Variants in DGKB observed in about 807,000 individuals in gnomAD.
The protein encoded by DGKB is diacylglycerol kinase beta.
In DGKB, 67 loss-of-function variants were observed where a neutral mutation model predicts 114.3. That is an observed-to-expected ratio of 0.59 (90% confidence interval 0.48 to 0.72). The LOEUF is 0.72. DGKB is among the 30% of genes least tolerant of loss of function. DGKB has a pLI of 0.00. For synonymous variants in DGKB, 398 were observed against 323.1 expected (o/e 1.23, Z -2.49); for missense variants, 907 against 975.2 (o/e 0.93, Z 0.93).
At chr7:14,905,411 T>A (rs939603688), upstream of DGKB, among the ~76,000 whole-genome samples, 1 of 152,138 alleles carries the variant, frequency 6.6e-6, no homozygotes, top group Non-Finnish European at 1.5e-5. Context: ...TTCCATTTTG[T>A]GGTAAAACTT....
chr7:14,532,553 C>T (rs1173189084), intron 20 of DGKB, among the ~76,000 whole-genome samples: 1 of 151,036 alleles, frequency 6.6e-6, no homozygotes, highest in Non-Finnish European at 1.5e-5. Flanking sequence ...AGTTATGTTT[C>T]ATATTGATAA....
chr7:14,312,851 T>G (rs1171308804), intron 23 of DGKB, among the ~76,000 whole-genome samples: 3 of 152,184 alleles, frequency 2.0e-5, no homozygotes, highest in African/African-American at 7.2e-5. Context: ...AATTAGGAAT[T>G]TAGAAACTTT....
intron 1 of DGKB, among the ~76,000 whole-genome samples, chr7:14,953,855 G>T (rs541241926): frequency 6.6e-6 from 1 of 152,218 alleles, no homozygotes; most frequent in South Asian, 2.1e-4. Flanking sequence ...CAAAGGCTAA[G>T]AAGTGTTTAT....
At chr7:14,686,276 A>C (rs1364561159) in intron 9 of DGKB, among the ~76,000 whole-genome samples, 1 of 152,168 alleles carries the variant, frequency 6.6e-6, no homozygotes, top group Non-Finnish European at 1.5e-5. Flanking sequence ...ATAAAATGAA[A>C]TAATATGATG....
At chr7:14,567,001 T>C (rs1390589722) in intron 20 of DGKB, among the ~76,000 whole-genome samples, 1 of 145,246 alleles carries the variant, frequency 6.9e-6, no homozygotes, top group Non-Finnish European at 1.5e-5. Flanking sequence ...TGTGCATTGG[T>C]TTTTTGCTTT....
chr7:14,879,149 C>T (rs1046695850), intron 1 of DGKB, among the ~76,000 whole-genome samples: 1 of 151,842 alleles, frequency 6.6e-6, no homozygotes, highest in Non-Finnish European at 1.5e-5. Context: ...CAATGATTCA[C>T]AGATTAAGGT....
intron 20 of DGKB, among the ~76,000 whole-genome samples, chr7:14,546,401 G>A (rs111467814): frequency 2.0e-5 from 3 of 151,874 alleles, no homozygotes; most frequent in Non-Finnish European, 4.4e-5. Flanking sequence ...CTCTTCTTTC[G>A]CGTGACTGTA....
At chr7:14,527,462 A>G (rs908232615) in intron 20 of DGKB, among the ~76,000 whole-genome samples, 4 of 152,110 alleles carry the variant, frequency 2.6e-5, no homozygotes, top group African/African-American at 4.8e-5. Context: ...AGAAAAATAG[A>G]ATAAACATCC....
intron 21 of DGKB, among the ~76,000 whole-genome samples, chr7:14,433,049 C>A (rs1254151040): frequency 1.3e-5 from 2 of 152,126 alleles, no homozygotes; most frequent in East Asian, 3.9e-4. Flanking sequence ...CTAAAGTATT[C>A]ATTCTTCCCA....
At chr7:14,937,580 A>G (rs1785341569) in intron 1 of DGKB, among the ~76,000 whole-genome samples, 2 of 152,310 alleles carry the variant, frequency 1.3e-5, no homozygotes, top group Admixed American at 6.5e-5. Flanking sequence ...TAATCTTAGC[A>G]TCTGAAACAC....
chr7:14,914,819 A>G (rs1198148930), intron 1 of DGKB, among the ~76,000 whole-genome samples: 1 of 145,798 alleles, frequency 6.9e-6, no homozygotes, highest in Non-Finnish European at 1.5e-5. Flanking sequence ...CTAACAAAGA[A>G]TCAAAAGGAA....
intron 21 of DGKB, among the ~76,000 whole-genome samples, chr7:14,405,807 A>G (rs897400301): frequency 1.3e-5 from 2 of 152,066 alleles, no homozygotes; most frequent in East Asian, 3.9e-4. Context: ...GGAGCTCTCC[A>G]TGCAAAAATA....
At chr7:14,612,715 T>C (rs1204378305) in intron 16 of DGKB, among the ~76,000 whole-genome samples, 1 of 152,044 alleles carries the variant, frequency 6.6e-6, no homozygotes, top group African/African-American at 2.4e-5. Flanking sequence ...TGCATTTTTG[T>C]TTATGACTGT....
At chr7:14,606,591 CT>C (rs201031316) in intron 17 of DGKB, among the ~76,000 whole-genome samples, 12 of 146,046 alleles carry the variant, frequency 8.2e-5, no homozygotes, top group African/African-American at 2.4e-4. Context: ...AATCAACTGC[CT>C]TTTTTTTAAA....
intron 8 of DGKB, among the ~76,000 whole-genome samples, chr7:14,697,313 G>A (rs6461120): frequency 0.57 from 86,936 of 151,766 alleles, 25,494 homozygotes; most frequent in East Asian, 0.87. Flanking sequence ...CTGCAAAAGG[G>A]AAAAAAAATA....
intron 23 of DGKB, among the ~76,000 whole-genome samples, chr7:14,289,744 CAAAAAAA>C (rs3067647): frequency 1.6e-5 from 2 of 126,810 alleles, no homozygotes; most frequent in African/African-American, 2.9e-5. Context: ...AGACATGGAC[CAAAAAAA>C]AAAAAAAAAA....
At chr7:14,765,592 C>T (rs1836330136) in intron 2 of DGKB, among the ~76,000 whole-genome samples, 1 of 151,872 alleles carries the variant, frequency 6.6e-6, no homozygotes. Context: ...CAATGCCTTG[C>T]ACAAAATATT....
chr7:14,698,741 T>C (rs1333129592), intron 7 of DGKB, among the ~76,000 whole-genome samples: 1 of 152,162 alleles, frequency 6.6e-6, no homozygotes, highest in Non-Finnish European at 1.5e-5. Context: ...ATTATTCTGC[T>C]CAATTATCAA....
upstream of DGKB, among the ~76,000 whole-genome samples, chr7:14,907,124 G>C (rs115686755): frequency 0.016 from 2,476 of 152,268 alleles, 62 homozygotes; most frequent in African/African-American, 0.056. Context: ...TAAGCTGGAA[G>C]GCTAGGAGAG....
Sources: gnomAD v4.1 joint callset for allele counts (sites outside exome capture counted in the v4.1 genomes callset) on GRCh38, gnomAD v4.1.1 for gene constraint, MANE v1.5 for transcripts, NCBI Gene and HGNC (gene_info 2026-07-23, HGNC 2026-07-21) for gene names.